Variants in MS4A7 observed in about 807,000 individuals in gnomAD.
The protein encoded by MS4A7 is membrane-spanning 4-domains subfamily A member 7.
Under a neutral mutation model 23.5 loss-of-function variants are expected in MS4A7, and 21 were observed. The ratio of observed to expected loss-of-function variants is 0.89; its 90% confidence interval spans 0.63 to 1.29. The LOEUF (loss-of-function observed/expected upper bound fraction) is 1.29, where lower values mean the gene tolerates loss of function less well. Ranked by LOEUF, MS4A7 falls within the 50% of genes most tolerant of loss-of-function variation. The probability of loss-of-function intolerance (pLI) is 0.00; values close to 1 mark genes in which losing one functional copy is unlikely to be tolerated. For missense variants in MS4A7, 263 were observed against 274.2 expected, an observed-to-expected ratio of 0.96 and a Z score of 0.29; for synonymous variants, 111 against 107.4, an observed-to-expected ratio of 1.03 and a Z score of -0.21.
rs113559856 is a variant in MS4A7 at position 60,392,720 on chromosome 11, G to A, written c.582G>A (p.Leu194=). The A allele has an allele frequency of 3.1e-6, 5 of 1,613,762 alleles. No homozygotes were observed. In the African/African-American group the frequency reaches 6.7e-5, roughly 22 times the overall value. Residue 194 remains leucine (L), a synonymous_variant, in exon 6 of 7, where the codon CTG becomes CTA. Coordinates refer to ENST00000300184, the MANE Select transcript of MS4A7 (RefSeq NM_021201.5). ...VLVVMLIFTV[L]ELLLAAYSSV... ...TGGTGATGCTCATCTTCACTGTGCT[G>A]GAGCTCTTATTAGCTGCATACAGTT...
At chr11:60,381,753 A>G (rs2085430444) in intron 1 of MS4A7, among the ~76,000 whole-genome samples, 1 of 152,200 alleles carries the variant, frequency 6.6e-6, no homozygotes, top group Non-Finnish European at 1.5e-5. Flanking sequence ...CTGTACCACA[A>G]ACCTATGAAG....
At chr11:60,392,831 C>A in intron 6 of MS4A7, 45 bp downstream of exon 6, 1 of 1,371,426 alleles carries the variant, frequency 7.3e-7, no homozygotes, top group Non-Finnish European at 1.0e-6. Flanking sequence ...TGTCTCAGGT[C>A]CAGGCTACAA....
chr11:60,379,196 A>C (rs1471691978), intron 1 of MS4A7, among the ~76,000 whole-genome samples: 1 of 152,238 alleles, frequency 6.6e-6, no homozygotes, highest in Non-Finnish European at 1.5e-5. Context: ...TGAAACATAA[A>C]GAATCTTGGT....
chr11:60,392,664 C>A, intron 5 of MS4A7, 21 bp from the exon 6 acceptor site: 1 of 1,595,154 alleles, frequency 6.3e-7, no homozygotes, highest in Admixed American at 1.7e-5. Context: ...GGGTACCAGC[C>A]ATTCATGTCC....
At chr11:60,383,955 G>C (rs1350491278) in intron 2 of MS4A7, among the ~76,000 whole-genome samples, 1 of 152,174 alleles carries the variant, frequency 6.6e-6, no homozygotes. Flanking sequence ...ATTTTGAGAT[G>C]AGACGATCAA....
chr11:60,390,811 CT>C (rs1283005306), intron 5 of MS4A7, among the ~76,000 whole-genome samples: 1 of 152,128 alleles, frequency 6.6e-6, no homozygotes, highest in Non-Finnish European at 1.5e-5. Flanking sequence ...AAGGCCTACT[CT>C]TTGTTAATTA....
At position 60,383,168 on chromosome 11, in the gene MS4A7, G is replaced by A. The variant is rs1279331828; in HGVS notation, c.27G>A (p.Gly9=). 1 of 1,613,852 alleles carries A rather than the reference G, an allele frequency of 6.2e-7. No homozygotes were observed. Among genetic ancestry groups the A allele is most frequent in the African/African-American group, 1.3e-5 (1 of 74,978 alleles). The change falls in exon 2 of 7, where the codon GGG becomes GGA. Residue 9 remains glycine, a synonymous_variant. Transcript: ENST00000300184. MLLQSQTM[G]VSHSFTPKGI... ...TGCTATTACAATCCCAAACCATGGG[G>A]GTTTCTCACAGCTTTACACCAAAGG...
chr11:60,383,531 TTATTTATTTATA>T (rs752278306), intron 2 of MS4A7: 6 of 222,120 alleles, frequency 2.7e-5, no homozygotes, highest in African/African-American at 4.6e-5. Flanking sequence ...CTTTCTTATT[TTATTTATTTATA>T]TATTTATTTA....
chr11:60,390,389 T>C (rs2085538361), intron 5 of MS4A7, among the ~76,000 whole-genome samples: 1 of 152,202 alleles, frequency 6.6e-6, no homozygotes, highest in Non-Finnish European at 1.5e-5. Flanking sequence ...GAAGAAAGAC[T>C]TCTTCCTCTA....
intron 6 of MS4A7, 30 bp from the exon 7 acceptor site, chr11:60,393,757 A>G (rs2085579671): frequency 6.4e-7 from 1 of 1,558,568 alleles, no homozygotes; most frequent in African/African-American, 1.4e-5. Context: ...ATCAAAGTTT[A>G]AAAATTCTAA....
In MS4A7 at chr11:60,386,705, T is replaced by C. The variant is rs1239224335; in HGVS notation, c.283-12T>C. 6.2e-7 allele frequency: 1 copy of C among 1,608,530 alleles called. No homozygotes were observed. The highest frequency in any genetic ancestry group is 8.5e-7 in the Non-Finnish European group (1 of 1,175,710). On this transcript the variant is annotated splice_polypyrimidine_tract_variant and intron_variant, in intron 3 of 6. Transcript: ENST00000300184. ...GACAACTGAACTGATCATTTCTCTC[T>C]CTTCTGGGCAGTTTGGCATTACTGG...
At chr11:60,379,414 T>C (rs1250144674) in intron 1 of MS4A7, among the ~76,000 whole-genome samples, 1 of 152,238 alleles carries the variant, frequency 6.6e-6, no homozygotes, top group Non-Finnish European at 1.5e-5. Flanking sequence ...ATGTGATTGA[T>C]TAAATGAATC....
In MS4A7 at chr11:60,394,414, A is replaced by T. The variant is rs1016420584; in HGVS notation, c.*553A>T. On this transcript the variant is annotated 3_prime_UTR_variant, in exon 7 of 7. Coordinates refer to ENST00000300184, the MANE Select transcript of MS4A7 (RefSeq NM_021201.5). ...TAGGATTACCTCTCAACACACAGCA[A>T]GCATGTCCCTGCCTCCCATGAATCT... 5.2e-5 allele frequency: 8 copies of T among 152,842 alleles called. No homozygotes were observed. Among genetic ancestry groups the T allele is most frequent in the African/African-American group, 1.9e-4 (8 of 41,586 alleles). The allele number at this position is 152,842 out of a possible 1,614,324, so 9.5% of individuals were successfully genotyped here. A position where few individuals can be genotyped will look rare whatever the true frequency, so the allele number is the denominator to read the frequency against.
chr11:60,386,125 T>C (rs1431759663), intron 3 of MS4A7, among the ~76,000 whole-genome samples: 1 of 152,208 alleles, frequency 6.6e-6, no homozygotes, highest in Non-Finnish European at 1.5e-5. Context: ...TTAAGCAACT[T>C]TTCAGCTTCT....
chr11:60,390,572 G>A (rs2085539926), intron 5 of MS4A7, among the ~76,000 whole-genome samples: 1 of 152,198 alleles, frequency 6.6e-6, no homozygotes, highest in Non-Finnish European at 1.5e-5. Flanking sequence ...GCTTGAGGAA[G>A]TGGAAGAGCA....
intron 2 of MS4A7, 57 bp downstream of exon 2, chr11:60,383,345 G>A: frequency 1.3e-6 from 2 of 1,586,440 alleles, no homozygotes; most frequent in Non-Finnish European, 1.7e-6. Flanking sequence ...AATGTATCTA[G>A]ACTACAGATC....
chr11:60,380,590 G>T (rs2085418155), intron 1 of MS4A7, among the ~76,000 whole-genome samples: 1 of 152,180 alleles, frequency 6.6e-6, no homozygotes, highest in African/African-American at 2.4e-5. Context: ...GCAGTCCTTA[G>T]GTATGAGATT....
chr11:60,389,782 G>C (rs1565168144), intron 5 of MS4A7, 186 bp downstream of exon 5: 1 of 593,638 alleles, frequency 1.7e-6, no homozygotes, highest in African/African-American at 1.9e-5. Context: ...ATGTACTATA[G>C]AAAGTCAAAA....
intron 1 of MS4A7, among the ~76,000 whole-genome samples, chr11:60,381,425 T>C (rs907871627): frequency 5.3e-5 from 8 of 152,152 alleles, no homozygotes; most frequent in African/African-American, 1.9e-4. Context: ...AAGGCACAGA[T>C]CTAGGAGTAG....
Sources: gnomAD v4.1 joint callset for allele counts (sites outside exome capture counted in the v4.1 genomes callset) on GRCh38, gnomAD v4.1.1 for gene constraint, MANE v1.5 for transcripts, NCBI Gene and HGNC (gene_info 2026-07-23, HGNC 2026-07-21) for gene names.